The following PARD3 variants were observed in gnomAD, a reference collection of about 807,000 sequenced individuals.
PARD3 encodes par-3 family cell polarity regulator, also known as partitioning defective 3 homolog.
Under a neutral mutation model 155.4 loss-of-function variants are expected in PARD3, and 75 were observed. That is an observed-to-expected ratio of 0.48 (90% CI 0.40 to 0.58). The LOEUF is 0.58. Ranked by LOEUF, PARD3 falls within the 20% of genes least tolerant of loss-of-function variation. PARD3 has a pLI of 0.00. For synonymous variants in PARD3, 576 were observed against 610.5 expected, an observed-to-expected ratio of 0.94 and a Z score of 0.83; for missense variants, 1,642 against 1,721.7, an observed-to-expected ratio of 0.95 and a Z score of 0.82.
intron 5 of PARD3, among the ~76,000 whole-genome samples, chr10:34,425,398 G>A (rs550008845): frequency 1.8e-3 from 275 of 152,194 alleles, no homozygotes; most frequent in African/African-American, 6.1e-3. Context: ...ACTCACAAAC[G>A]AAAATTCCAC....
At chr10:34,510,104 A>T (rs1039985999) in intron 3 of PARD3, among the ~76,000 whole-genome samples, 3 of 152,226 alleles carry the variant, frequency 2.0e-5, no homozygotes, top group Non-Finnish European at 4.4e-5. Context: ...AGTAATACTG[A>T]TGTAACAAAA....
intron 9 of PARD3, among the ~76,000 whole-genome samples, chr10:34,380,206 A>G (rs904643837): frequency 2.6e-5 from 4 of 152,130 alleles, no homozygotes; most frequent in Non-Finnish European, 5.9e-5. Context: ...AGTAAACATA[A>G]TTTTTATATA....
chr10:34,236,368 C>A (rs142501684), intron 22 of PARD3, among the ~76,000 whole-genome samples: 1 of 152,062 alleles, frequency 6.6e-6, no homozygotes, highest in African/African-American at 2.4e-5. Flanking sequence ...GCTGCCTGAC[C>A]GGGACTACTT....
intron 1 of PARD3, among the ~76,000 whole-genome samples, chr10:34,784,489 G>T (rs895690153): frequency 6.6e-6 from 1 of 151,698 alleles, no homozygotes; most frequent in Non-Finnish European, 1.5e-5. Context: ...GCCCAGGCTG[G>T]AGTGCAGTGG....
At chr10:34,667,977 C>A (rs2093528830) in intron 2 of PARD3, among the ~76,000 whole-genome samples, 1 of 152,134 alleles carries the variant, frequency 6.6e-6, no homozygotes, top group Non-Finnish European at 1.5e-5. Context: ...AGGTGCAGTA[C>A]ACTAATGGTG....
At chr10:34,375,430 C>T (rs1209852169) in intron 10 of PARD3, among the ~76,000 whole-genome samples, 1 of 151,922 alleles carries the variant, frequency 6.6e-6, no homozygotes, top group Non-Finnish European at 1.5e-5. Flanking sequence ...AAAAACACAC[C>T]AAAAATATTT....
At chr10:34,700,448 A>G (rs775736169) in intron 1 of PARD3, among the ~76,000 whole-genome samples, 1 of 152,264 alleles carries the variant, frequency 6.6e-6, no homozygotes, top group South Asian at 2.1e-4. Flanking sequence ...TAGGCTCCGC[A>G]TATTACCCAC....
At position 34,436,071 on chromosome 10, in the gene PARD3, A is replaced by G. The variant is rs533264872; in HGVS notation, c.714+14246T>C. Among the ~76,000 whole-genome samples the G allele has an allele frequency of 1.2e-4, 18 of 152,346 alleles. No individual in the cohort carries two copies. In the South Asian group the frequency reaches 3.5e-3, roughly 30 times the overall value. ...AATATAAAAATATGAATCAAATACG[A>G]AATTTAGAATATGAAAAGAATACAC... On this transcript the variant is annotated intron_variant, in intron 5 of 24. Coordinates refer to ENST00000374788, the MANE Select transcript of PARD3 (RefSeq NM_001184785.2).
At chr10:34,526,653 G>C (rs574449612) in intron 2 of PARD3, among the ~76,000 whole-genome samples, 2 of 152,042 alleles carry the variant, frequency 1.3e-5, no homozygotes, top group Admixed American at 6.6e-5. Flanking sequence ...TTGGTTCCAC[G>C]GGTGGGGAGC....
intron 9 of PARD3, among the ~76,000 whole-genome samples, chr10:34,380,049 T>A (rs1269105995): frequency 1.3e-5 from 2 of 152,112 alleles, no homozygotes; most frequent in Non-Finnish European, 2.9e-5. Flanking sequence ...ATGTTTTTAA[T>A]GTACTTCACT....
intron 2 of PARD3, among the ~76,000 whole-genome samples, chr10:34,575,554 A>G (rs558991697): frequency 6.6e-6 from 1 of 152,154 alleles, no homozygotes; most frequent in Non-Finnish European, 1.5e-5. Context: ...CTCATATTTC[A>G]TATCTCCTAA....
chr10:34,432,337 T>TACACACACACACACACACAC (rs71917947), intron 5 of PARD3, among the ~76,000 whole-genome samples: 3 of 143,562 alleles, frequency 2.1e-5, no homozygotes, highest in Non-Finnish European at 3.0e-5. Context: ...CACGTGCACA[T>TACACACACACACACACACAC]ACACACACAC....
intron 1 of PARD3, 80 bp from the exon 2 acceptor site, chr10:34,696,499 T>C: frequency 2.3e-6 from 2 of 866,238 alleles, no homozygotes; most frequent in Admixed American, 1.9e-5. Flanking sequence ...CCGTGATAAC[T>C]TCCTGCCCAT....
chr10:34,439,566 T>A (rs569963265), intron 5 of PARD3, among the ~76,000 whole-genome samples: 2 of 152,106 alleles, frequency 1.3e-5, no homozygotes, highest in African/African-American at 4.8e-5. Flanking sequence ...CAAATGATTA[T>A]CCTGCCTCAG....
chr10:34,640,722 A>AAAAAAG (rs1554796075), intron 2 of PARD3, among the ~76,000 whole-genome samples: 3 of 144,648 alleles, frequency 2.1e-5, no homozygotes, highest in African/African-American at 7.5e-5. Flanking sequence ...AAAAAAAAAA[A>AAAAAAG]AAAAAAAAAA....
chr10:34,275,887 T>C (rs1014737684), intron 21 of PARD3, among the ~76,000 whole-genome samples: 1 of 152,134 alleles, frequency 6.6e-6, no homozygotes. Context: ...GAGTCACTCA[T>C]TTTTCTGAAC....
chr10:34,523,910 T>C (rs1445471615), intron 2 of PARD3, among the ~76,000 whole-genome samples: 1 of 152,188 alleles, frequency 6.6e-6, no homozygotes, highest in Non-Finnish European at 1.5e-5. Flanking sequence ...TACCTACCAA[T>C]ACATTTAAAT....
At chr10:34,160,032 A>C (rs899680469) in intron 22 of PARD3, among the ~76,000 whole-genome samples, 7 of 152,230 alleles carry the variant, frequency 4.6e-5, no homozygotes, top group Non-Finnish European at 1.0e-4. Flanking sequence ...ATCATAGAGG[A>C]CTAGAGAGAA....
At chr10:34,296,065 T>C (rs958151710) in intron 20 of PARD3, among the ~76,000 whole-genome samples, 3 of 152,196 alleles carry the variant, frequency 2.0e-5, no homozygotes, top group Admixed American at 1.3e-4. Context: ...CTAGAAAGTC[T>C]AAATCCCAAA....
Sources: gnomAD v4.1 joint callset for allele counts (sites outside exome capture counted in the v4.1 genomes callset) on GRCh38, gnomAD v4.1.1 for gene constraint, MANE v1.5 for transcripts, NCBI Gene and HGNC (gene_info 2026-07-23, HGNC 2026-07-21) for gene names.